The following CLDN2 variants were observed in gnomAD, a reference collection of about 807,000 sequenced individuals.
CLDN2 encodes the protein claudin-2.
Under a neutral mutation model 8.2 loss-of-function variants are expected in CLDN2, and 1 was observed. That is an observed-to-expected ratio of 0.12 (90% CI 0.04 to 0.58). The LOEUF (loss-of-function observed/expected upper bound fraction) is 0.58, where lower values mean the gene tolerates loss of function less well. CLDN2 is among the 20% of genes least tolerant of loss of function. The pLI is 0.90. For synonymous variants in CLDN2, 70 were observed against 70.2 expected (o/e 1.00, Z 0.01); for missense variants, 108 against 172.9 (o/e 0.62, Z 2.11).
At chrX:106,918,235 C>T (rs1244028639), upstream of CLDN2, 1 of 111,965 alleles carries the variant, frequency 8.9e-6, no homozygotes, top group Non-Finnish European at 1.9e-5. Context: ...TGGGTGAAGC[C>T]TGGGAAAAGA....
intron 1 of CLDN2, among the ~76,000 whole-genome samples, chrX:106,920,888 G>A (rs926383495): frequency 7.1e-5 from 8 of 111,935 alleles, no homozygotes; most frequent in Admixed American, 1.9e-4. Flanking sequence ...GTAGGGGACT[G>A]AGGAGTGGCA....
chrX:106,918,041 T>C (rs1933336473), upstream of CLDN2, among the ~76,000 whole-genome samples: 1 of 111,924 alleles, frequency 8.9e-6, no homozygotes, highest in African/African-American at 3.2e-5. Flanking sequence ...GGAAACCACA[T>C]CCTGCCAACA....
chrX:106,927,383 ATCC>A (rs1933484103), intron 1 of CLDN2, among the ~76,000 whole-genome samples: 1 of 110,755 alleles, frequency 9.0e-6, no homozygotes, highest in Non-Finnish European at 1.9e-5. Context: ...CTCCCTCATC[ATCC>A]AAGAGGCTGA....
At chrX:106,915,125 G>C (rs1014160614), upstream of CLDN2, among the ~76,000 whole-genome samples, 1 of 112,163 alleles carries the variant, frequency 8.9e-6, no homozygotes, top group African/African-American at 3.3e-5. Flanking sequence ...GCAGCTTTTT[G>C]AGTCTGGCTT....
In CLDN2 at chrX:106,913,121, A is replaced by C. The variant is rs150352493; in HGVS notation, c.-179+12617A>C. ...ATTGATTTTTTTTTTTTGAGACAGA[A>C]TCTCACTCTGTTGCCCAGACTGGAG... On this transcript the variant is annotated intron_variant, in intron 1 of 1. Transcript: ENST00000541806. Among the ~76,000 whole-genome samples, 12 of 110,030 alleles carry C rather than the reference A, an allele frequency of 1.1e-4. No individual in the cohort carries two copies. In the East Asian group the frequency reaches 3.4e-3, roughly 32 times the overall value.
chrX:106,929,194 A>C lies in CLDN2; in HGVS notation c.*273A>C. The C allele has an allele frequency of 5.4e-6, 2 of 368,625 alleles. No homozygotes were observed. The highest frequency in any genetic ancestry group is 9.7e-6 in the Non-Finnish European group (2 of 206,056). The allele number at this position is 368,625 out of a possible 1,213,427, so 30.4% of individuals were successfully genotyped here. The stretch of plus-strand genomic sequence containing the variant: ...CTAAGTCCCCAACCCTCAACTTGAA[A>C]CCCCATTCCCTTAAGCCAGGACTCA... On this transcript the variant is annotated 3_prime_UTR_variant, in exon 2 of 2. Coordinates refer to ENST00000336803, the MANE Select transcript of CLDN2 (RefSeq NM_020384.4).
intron 1 of CLDN2, among the ~76,000 whole-genome samples, chrX:106,924,475 A>C (rs999933723): frequency 1.8e-5 from 2 of 110,508 alleles, no homozygotes; most frequent in Non-Finnish European, 3.8e-5. Context: ...AAGACTTGCT[A>C]ATGAGTGACA....
chrX:106,909,599 C>A (rs763603762), intron 1 of CLDN2, among the ~76,000 whole-genome samples: 1 of 111,885 alleles, frequency 8.9e-6, no homozygotes, highest in African/African-American at 3.3e-5. Flanking sequence ...AGTGGAGGCC[C>A]GAAGTAATAC....
In CLDN2 at chrX:106,920,423, G is replaced by A. The variant is rs747506027; in HGVS notation, c.-307G>A. 4.6e-5 allele frequency: 5 copies of A among 109,044 alleles called. No individual in the cohort carries two copies. The highest frequency in any genetic ancestry group is 7.6e-5 in the Non-Finnish European group (4 of 52,588). The allele number at this position is 109,044 out of a possible 1,213,427, so 9.0% of individuals were successfully genotyped here. On this transcript the variant is annotated 5_prime_UTR_variant, in exon 1 of 2. In the 5' UTR this introduces an upstream ATG that the reference lacks. Coordinates refer to ENST00000336803, the MANE Select transcript of CLDN2 (RefSeq NM_020384.4). ...ATTTGCAGATGGATTTTGCAAAGCT[G>A]TGGTTAACGATTAGAAATCCTTTAT...
chrX:106,905,089 G>A lies in CLDN2; in HGVS notation c.-179+4585G>A, dbSNP rs955564394. ...AACAAAGAAATGTTTATCCATGGAG[G>A]AACGAAAGCTGGGGGAAATGACAGA... On this transcript the variant is annotated intron_variant, in intron 1 of 1. Coordinates refer to the CLDN2 transcript ENST00000541806. Among the ~76,000 whole-genome samples the A allele has an allele frequency of 5.3e-5, 6 of 112,446 alleles. No homozygotes were observed. In the East Asian group the frequency reaches 1.7e-3, roughly 31 times the overall value.
chrX:106,915,482 T>C (rs757908354), upstream of CLDN2, among the ~76,000 whole-genome samples: 8 of 112,504 alleles, frequency 7.1e-5, 1 homozygote, highest in East Asian at 2.2e-3. Flanking sequence ...CCACCTCTTA[T>C]TTTACAAAAG....
At chrX:106,906,512 G>A (rs764591990) in intron 1 of CLDN2, among the ~76,000 whole-genome samples, 1 of 110,895 alleles carries the variant, frequency 9.0e-6, no homozygotes, top group East Asian at 2.9e-4. Flanking sequence ...TCCTTACCAC[G>A]TTCCTGCCCC....
rs1228977913 is a variant in CLDN2, at chrX:106,930,691, C to T, written c.*1770C>T. The T allele has an allele frequency of 8.1e-6, 1 of 122,983 alleles. No homozygotes were observed. The highest frequency in any genetic ancestry group is 1.9e-5 in the Non-Finnish European group (1 of 53,198). 10.1% of individuals were successfully genotyped at this position (122,983 alleles called of 1,213,427 possible). A position where few individuals can be genotyped will look rare whatever the true frequency, so the allele number is the denominator to read the frequency against. ...GTATAAATTGCTTCTTGATGCTTAG[C>T]ATTCACAATTTTTGATTGATCGTTA... On this transcript the variant is annotated 3_prime_UTR_variant, in exon 2 of 2. Coordinates refer to ENST00000336803, the MANE Select transcript of CLDN2 (RefSeq NM_020384.4).
intron 1 of CLDN2, among the ~76,000 whole-genome samples, chrX:106,904,129 C>T (rs1933148109): frequency 1.8e-5 from 2 of 112,511 alleles, no homozygotes; most frequent in African/African-American, 6.4e-5. Context: ...CCAGCCCCAG[C>T]CCCAGGCCTC....
Position 106,928,639 on chromosome X carries a change from C to G in CLDN2, c.411C>G (p.Ala137=). The G allele has an allele frequency of 1.7e-6, 2 of 1,211,914 alleles. No homozygotes were observed. The highest frequency in any genetic ancestry group is 1.1e-6 in the Non-Finnish European group (1 of 895,537). ...LGGLLGFIPV[A]WNLHGILRDF... Reference sequence around the variant, plus strand: ...GCCTCCTGGGATTCATTCCTGTTGCCTGGAATCTTCATGGGATCCTACGGG... The same window carrying G: ...GCCTCCTGGGATTCATTCCTGTTGCGTGGAATCTTCATGGGATCCTACGGG... The change falls in exon 2 of 2, where the codon GCC becomes GCG. Residue 137 remains alanine, a synonymous_variant. Coordinates refer to ENST00000336803, the MANE Select transcript of CLDN2 (RefSeq NM_020384.4).
At chrX:106,903,751 T>G (rs930311704) in intron 1 of CLDN2, among the ~76,000 whole-genome samples, 7 of 110,321 alleles carry the variant, frequency 6.3e-5, no homozygotes, top group African/African-American at 2.3e-4. Flanking sequence ...TTAAGGAGAG[T>G]GAGGGACTCA....
intron 1 of CLDN2, among the ~76,000 whole-genome samples, chrX:106,901,241 G>T (rs1238879917): frequency 8.9e-6 from 1 of 111,994 alleles, no homozygotes; most frequent in Admixed American, 9.4e-5. Context: ...TTCCACTGAG[G>T]ATTATTTCAC....
At chrX:106,902,564 T>C (rs1257946756) in intron 1 of CLDN2, among the ~76,000 whole-genome samples, 5 of 111,303 alleles carry the variant, frequency 4.5e-5, no homozygotes, top group African/African-American at 1.6e-4. Context: ...GAGTAATGAG[T>C]GGGGGCTAGA....
intron 1 of CLDN2, among the ~76,000 whole-genome samples, chrX:106,911,073 C>A (rs1933242309): frequency 8.9e-6 from 1 of 112,078 alleles, no homozygotes; most frequent in Admixed American, 9.4e-5. Flanking sequence ...CTATTCAGAG[C>A]ACAGGCTTTA....
Sources: allele counts gnomAD v4.1 joint callset (sites outside exome capture counted in the v4.1 genomes callset), GRCh38; gene constraint gnomAD v4.1.1; transcripts MANE v1.5; gene names NCBI Gene and HGNC (gene_info 2026-07-23, HGNC 2026-07-21).